Variants in CLCNKB observed in about 807,000 individuals in gnomAD.
The protein encoded by CLCNKB is chloride channel protein ClC-Kb.
In CLCNKB, 74 loss-of-function variants were observed where a neutral mutation model predicts 83.8. That is an observed-to-expected ratio of 0.88 (90% CI 0.73 to 1.07). The LOEUF (loss-of-function observed/expected upper bound fraction) is 1.07, where lower values mean the gene tolerates loss of function less well. CLCNKB is among the 50% of genes least tolerant of loss of function. The probability of loss-of-function intolerance (pLI) is 0.00; values close to 1 mark genes in which losing one functional copy is unlikely to be tolerated. For missense variants in CLCNKB, 798 were observed against 893.6 expected (o/e 0.89, Z 1.36); for synonymous variants, 358 against 356.6 (o/e 1.00, Z -0.04).
At chr1:16,051,354 A>G (rs2023283735) in intron 12 of CLCNKB, 124 bp from the exon 13 acceptor site, 6 of 1,269,120 alleles carry the variant, frequency 4.7e-6, no homozygotes, top group Non-Finnish European at 6.9e-6. Context: ...AGACTCTGGC[A>G]GTGGGTGCAT....
chr1:16,051,787 A>C lies in CLCNKB; in HGVS notation c.1375A>C (p.Asn459His), dbSNP rs765895186. Reference sequence around the variant, plus strand: ...GGGCATCGTGGCTGGAGGGATCACCAATCCCATCATGCCAGGGGGGTATGC... The same window carrying C: ...GGGCATCGTGGCTGGAGGGATCACCCATCCCATCATGCCAGGGGGGTATGC... ...PEGIVAGGIT[N>H]PIMPGGYALA... is the part of the protein sequence containing the mutation. Residue 459 changes from asparagine (N) to histidine (H), a missense_variant, in exon 14 of 20, where the codon AAT becomes CAT. Coordinates refer to ENST00000375679, the MANE Select transcript of CLCNKB (RefSeq NM_000085.5). 159 of 1,613,678 alleles carry C rather than the reference A, an allele frequency of 9.9e-5. No individual in the cohort carries two copies. Among genetic ancestry groups the C allele is most frequent in the Non-Finnish European group, 1.2e-4 (142 of 1,179,916 alleles).
rs2023147034 is a variant in CLCNKB at position 16,047,936 on chromosome 1, G to A, written c.390G>A (p.Leu130=). The A allele has an allele frequency of 6.2e-7, 1 of 1,614,038 alleles. No individual in the cohort carries two copies. The highest frequency in any genetic ancestry group is 8.5e-7 in the Non-Finnish European group (1 of 1,180,020). ...GAATCCCGGAGGTGAAGACCATGTT[G>A]GCGGGTGTGGTCTTGGAGGACTACC... ...GSGIPEVKTM[L]AGVVLEDYLD... is the part of the protein sequence containing the mutation. Residue 130 remains leucine, a synonymous_variant, in exon 5 of 20, where the codon TTG becomes TTA. Coordinates refer to ENST00000375679, the MANE Select transcript of CLCNKB (RefSeq NM_000085.5).
In CLCNKB at chr1:16,055,703, G is replaced by T. The variant is rs140538259; in HGVS notation, c.1874G>T (p.Gly625Val). The T allele has an allele frequency of 2.3e-5, 37 of 1,613,884 alleles. 1 individual carries two copies. In the African/African-American group the frequency reaches 3.6e-4, roughly 16 times the overall value. ...TGTCTCCAGGACATCTTGGCTGCAGGCTGCCCCACAGAACCAGTGACCCTG... is the reference window on the plus strand; with the variant it reads ...TGTCTCCAGGACATCTTGGCTGCAGTCTGCCCCACAGAACCAGTGACCCTG... ...QQCLQDILAA[G>V]CPTEPVTLKL... Residue 625 changes from glycine (G) to valine (V), a missense_variant, in exon 18 of 20, where the codon GGC (glycine) becomes GTC (valine). Transcript: ENST00000375679.
Position 16,045,657 on chromosome 1 carries a change from T to C in CLCNKB, c.200T>C (p.Met67Thr). 6.2e-7 allele frequency: 1 copy of C among 1,613,950 alleles called. No homozygotes were observed. Among genetic ancestry groups the C allele is most frequent in the East Asian group, 2.2e-5 (1 of 44,872 alleles). ...GVLMALVSCA[M>T]DLAVESVVRA... is the part of the protein sequence containing the mutation. Reference sequence around the variant, plus strand: ...CTCATGGCCCTGGTCAGCTGTGCCATGGACTTGGCTGTTGAGAGTGTGGTC... The same window carrying C: ...CTCATGGCCCTGGTCAGCTGTGCCACGGACTTGGCTGTTGAGAGTGTGGTC... Residue 67 changes from methionine (M) to threonine (T), a missense_variant, in exon 3 of 20, where the codon ATG becomes ACG. Transcript: ENST00000375679.
rs1375189681 is a variant in CLCNKB at position 16,057,165 on chromosome 1, T to C, written c.*249T>C. On this transcript the variant is annotated 3_prime_UTR_variant, in exon 20 of 20. Coordinates refer to ENST00000375679, the MANE Select transcript of CLCNKB (RefSeq NM_000085.5). ...AGTGTGAGAAGATGGAAAACCAGTA[T>C]CTGCCAGTTGCTCAGTGACTGGCCA... 87 of 689,616 alleles carry C rather than the reference T, an allele frequency of 1.3e-4. 1 individual carries two copies. The East Asian group carries it at 2.4e-3, about 19-fold the overall frequency. The allele number at this position is 689,616 out of a possible 1,614,324, so 42.7% of individuals were successfully genotyped here.
At position 16,049,906 on chromosome 1, in the gene CLCNKB, C is replaced by T. The variant is rs778139626; in HGVS notation, c.958C>T (p.Leu320=). The stretch of plus-strand genomic sequence containing the variant: ...GAACAATAGGTTCAGCTCCAAACTG[C>T]TGGCCACCAGGTAGGCTCCGGGCTA... ...IRNNRFSSKL[L]ATSKPVYSAL... is the part of the protein sequence containing the mutation. Residue 320 remains leucine, a synonymous_variant, in exon 10 of 20, where the codon CTG becomes TTG. Coordinates refer to ENST00000375679, the MANE Select transcript of CLCNKB (RefSeq NM_000085.5). 2 of 1,612,472 alleles carry T rather than the reference C, an allele frequency of 1.2e-6. No homozygotes were observed. Among genetic ancestry groups the T allele is most frequent in the South Asian group, 1.1e-5 (1 of 91,010 alleles).
chr1:16,048,326 C>T lies in CLCNKB; in HGVS notation c.499-17C>T, dbSNP rs770542663. 5 of 1,613,852 alleles carry T rather than the reference C, an allele frequency of 3.1e-6. No homozygotes were observed. In the Admixed American group the frequency reaches 5.0e-5, roughly 16 times the overall value. ...GCTGCCCTCACCTGGGCCCTGGGCC[C>T]ACCCTTCTCTCTGCAGGGCCCTTTC... On this transcript the variant is annotated splice_polypyrimidine_tract_variant and intron_variant, in intron 5 of 19. Coordinates refer to ENST00000375679, the MANE Select transcript of CLCNKB (RefSeq NM_000085.5).
At chr1:16,044,626 G>A (rs1326120342) in intron 2 of CLCNKB, 34 bp downstream of exon 2, 1 of 1,508,908 alleles carries the variant, frequency 6.6e-7, no homozygotes, top group East Asian at 2.4e-5. Context: ...TCCCCCTGGA[G>A]GACCACTCAG....
At position 16,053,794 on chromosome 1, in the gene CLCNKB, G is replaced by A. The variant is rs767062007; in HGVS notation, c.1756+22G>A. 7.4e-6 allele frequency: 12 copies of A among 1,613,338 alleles called. No individual in the cohort carries two copies. The African/African-American group carries it at 1.3e-4, about 18-fold the overall frequency. On this transcript the variant is annotated intron_variant, in intron 16 of 19. Coordinates refer to ENST00000375679, the MANE Select transcript of CLCNKB (RefSeq NM_000085.5). ...ACAGGTGCCCAGCCGGAAGGGAGGAGGAAGTCGGGGGTAGGGGATGCCCTC... is the reference window on the plus strand; with the variant it reads ...ACAGGTGCCCAGCCGGAAGGGAGGAAGAAGTCGGGGGTAGGGGATGCCCTC...
intron 14 of CLCNKB, 149 bp downstream of exon 14, chr1:16,051,969 C>A: frequency 1.2e-6 from 1 of 840,886 alleles, no homozygotes; most frequent in Non-Finnish European, 1.9e-6. Context: ...CCTCCTGAGC[C>A]CCACCATTCC....
intron 10 of CLCNKB, 70 bp from the exon 11 acceptor site, chr1:16,050,446 G>A: frequency 6.5e-7 from 1 of 1,532,516 alleles, no homozygotes; most frequent in Non-Finnish European, 9.0e-7. Flanking sequence ...TGCCTTGCTA[G>A]GCCCTGCTTC....
chr1:16,051,183 A>C, intron 12 of CLCNKB, 135 bp downstream of exon 12: 2 of 1,377,484 alleles, frequency 1.5e-6, no homozygotes, highest in Non-Finnish European at 2.0e-6. Context: ...TGCCCATTGC[A>C]TGGTCCTGGA....
intron 16 of CLCNKB, among the ~76,000 whole-genome samples, chr1:16,054,757 T>G (rs1304922259): frequency 1.1e-4 from 16 of 152,068 alleles, no homozygotes; most frequent in Admixed American, 1.0e-3. Context: ...AGTCCTCTTT[T>G]ACCCTCAGAG....
intron 10 of CLCNKB, among the ~76,000 whole-genome samples, chr1:16,050,185 C>T (rs1295156840): frequency 6.6e-6 from 1 of 151,272 alleles, no homozygotes; most frequent in Non-Finnish European, 1.5e-5. Context: ...ACCTTTAACC[C>T]CCTGTTGGTC....
rs746246914 is a variant in CLCNKB, at chr1:16,049,006, G to C, written c.656-114G>C. The C allele has an allele frequency of 1.5e-5, 24 of 1,600,996 alleles. No homozygotes were observed. The Admixed American group carries it at 2.2e-4, about 15-fold the overall frequency. ...CCTCCCCTCCTGTCTGTCCCTGTCC[G>C]GGCTGCAGGAGAGCAGGACAGATGG... On this transcript the variant is annotated intron_variant, in intron 7 of 19. Coordinates refer to ENST00000375679, the MANE Select transcript of CLCNKB (RefSeq NM_000085.5).
chr1:16,050,586 T>C lies in CLCNKB; in HGVS notation c.1039T>C (p.Phe347Leu). The change falls in exon 11 of 20, where the codon TTC becomes CTC. Residue 347 changes from phenylalanine (F) to leucine (L), a missense_variant. Transcript: ENST00000375679. ...SITYPPSAGR[F>L]LASRLSMKQH... ...CACCTACCCACCCAGCGCCGGCCGC[T>C]TCCTAGCTTCTCGGGTAAGGGGCCT... The C allele has an allele frequency of 6.2e-7, 1 of 1,613,990 alleles. No individual in the cohort carries two copies. The highest frequency in any genetic ancestry group is 1.1e-5 in the South Asian group (1 of 91,078).
At position 16,047,954 on chromosome 1, in the gene CLCNKB, G is replaced by T. The variant is rs139876582; in HGVS notation, c.408G>T (p.Glu136Asp). 21 of 1,614,124 alleles carry T rather than the reference G, an allele frequency of 1.3e-5. No individual in the cohort carries two copies. The highest frequency in any genetic ancestry group is 1.4e-5 in the Non-Finnish European group (16 of 1,180,028). Residue 136 changes from glutamate (E) to aspartate (D), a missense_variant, in exon 5 of 20, where the codon GAG (glutamate) becomes GAT (aspartate). Physicochemically the swap from Glu to Asp is conservative, Grantham distance 45 (BLOSUM62 2). Transcript: ENST00000375679. ...CCATGTTGGCGGGTGTGGTCTTGGA[G>T]GACTACCTGGATATCAAGAACTTTG... ...VKTMLAGVVL[E>D]DYLDIKNFGA... is the part of the protein sequence containing the mutation.
intron 11 of CLCNKB, 93 bp downstream of exon 11, chr1:16,050,693 A>T: frequency 6.7e-7 from 1 of 1,496,554 alleles, no homozygotes; most frequent in South Asian, 1.1e-5. Flanking sequence ...ATACCCCATA[A>T]GGGAGATGCC....
intron 16 of CLCNKB, 129 bp from the exon 17 acceptor site, chr1:16,055,306 A>C (rs543434911): frequency 3.0e-5 from 24 of 792,810 alleles, no homozygotes; most frequent in Non-Finnish European, 1.7e-5. Context: ...GTCCTTTATA[A>C]TGGGTGACAA....
Sources: allele counts gnomAD v4.1 joint callset (sites outside exome capture counted in the v4.1 genomes callset), GRCh38; gene constraint gnomAD v4.1.1; transcripts MANE v1.5; gene names NCBI Gene and HGNC (gene_info 2026-07-23, HGNC 2026-07-21).